CFAP206: variants seen among roughly 807,000 people sequenced by gnomAD.
The protein encoded by CFAP206 is cilia and flagella associated protein 206.
Under a neutral mutation model 65.4 loss-of-function variants are expected in CFAP206, and 53 were observed. The observed-to-expected ratio is 0.81, with a 90% CI of 0.65 to 1.02. The LOEUF (loss-of-function observed/expected upper bound fraction) is 1.02. Among genes scored for constraint, CFAP206 ranks in the 50% least tolerant of loss-of-function variants. The probability of loss-of-function intolerance (pLI) is 0.00; values close to 1 mark genes in which losing one functional copy is unlikely to be tolerated. For missense variants in CFAP206, 663 were observed against 753.2 expected, an observed-to-expected ratio of 0.88 and a Z score of 1.40; for synonymous variants, 250 against 254.4, an observed-to-expected ratio of 0.98 and a Z score of 0.17.
intron 8 of CFAP206, among the ~76,000 whole-genome samples, chr6:87,426,925 T>G (rs1422417145): frequency 6.6e-6 from 1 of 152,148 alleles, no homozygotes; most frequent in African/African-American, 2.4e-5. Flanking sequence ...GTACTGTGGT[T>G]GAAAATGTAT....
At chr6:87,439,104 TC>T in intron 11 of CFAP206, among the ~76,000 whole-genome samples, 1 of 152,258 alleles carries the variant, frequency 6.6e-6, no homozygotes, top group Non-Finnish European at 1.5e-5. Flanking sequence ...TTGCTAAGTT[TC>T]CCCAAAAAAT....
At chr6:87,419,436 C>G (rs574296444) in intron 7 of CFAP206, among the ~76,000 whole-genome samples, 1 of 152,250 alleles carries the variant, frequency 6.6e-6, no homozygotes, top group South Asian at 2.1e-4. Flanking sequence ...AAACAGATAT[C>G]TACATAAAGG....
intron 11 of CFAP206, among the ~76,000 whole-genome samples, chr6:87,448,644 TC>T (rs906797582): frequency 2.6e-5 from 4 of 152,122 alleles, no homozygotes; most frequent in African/African-American, 9.7e-5. Context: ...TTAGCTAACC[TC>T]TCCCCATCCA....
intron 10 of CFAP206, among the ~76,000 whole-genome samples, chr6:87,432,720 G>T (rs1768181264): frequency 1.3e-5 from 2 of 152,160 alleles, no homozygotes; most frequent in South Asian, 4.1e-4. Flanking sequence ...TCCCTTCCAG[G>T]GTCTCCCAAC....
chr6:87,429,513 G>T (rs1236557058), intron 9 of CFAP206, among the ~76,000 whole-genome samples: 11 of 152,066 alleles, frequency 7.2e-5, no homozygotes, highest in Admixed American at 7.2e-4. Flanking sequence ...TTCAAGTTGG[G>T]AATTTACAAA....
At chr6:87,434,774 A>G (rs1768224525) in intron 10 of CFAP206, 86 bp from the exon 11 acceptor site, 2 of 760,572 alleles carry the variant, frequency 2.6e-6, no homozygotes, top group Non-Finnish European at 2.0e-6. Context: ...CTGGAATTAC[A>G]GGCGTGAGCC....
intron 3 of CFAP206, among the ~76,000 whole-genome samples, chr6:87,412,778 A>G (rs917727559): frequency 3.9e-5 from 6 of 152,008 alleles, no homozygotes; most frequent in African/African-American, 1.5e-4. Flanking sequence ...CTCCTGTCTC[A>G]GCCTCCCGAG....
At chr6:87,408,474 C>CGCAT (rs771338931) in intron 1 of CFAP206, 1 of 129,074 alleles carries the variant, frequency 7.7e-6, no homozygotes, top group African/African-American at 3.0e-5. Flanking sequence ...AGATCCGGAG[C>CGCAT]GCGCACACAG....
chr6:87,423,255 T>A (rs1293609310), intron 7 of CFAP206, among the ~76,000 whole-genome samples: 1 of 141,922 alleles, frequency 7.0e-6, no homozygotes, highest in Non-Finnish European at 1.6e-5. Context: ...TTTATTTTTC[T>A]TTTTTTTTTT....
chr6:87,435,050 T>C lies in CFAP206; in HGVS notation c.1491T>C (p.Ser497=). 5.7e-6 allele frequency: 9 copies of C among 1,576,878 alleles called. No homozygotes were observed. Among genetic ancestry groups the C allele is most frequent in the Non-Finnish European group, 6.0e-6 (7 of 1,157,660 alleles). Residue 497 remains serine (S), a synonymous_variant, in exon 11 of 13, where the codon TCT becomes TCC. Transcript: ENST00000369562. ...AGTTTGAAACATTTATTCCATATTC[T>C]CAGGTAAGCAGGGTCAATATTTTAT... ...HQQFETFIPY[S]QMRDADKHYI...
In CFAP206 at chr6:87,409,895, A is replaced by G; in HGVS notation, c.56A>G (p.Gln19Arg). The change falls in exon 2 of 13, where the codon CAA (glutamine) becomes CGA (arginine). Residue 19 changes from glutamine (Q) to arginine (R), a missense_variant. Physicochemically the swap from Gln to Arg is conservative, Grantham distance 43. Coordinates refer to ENST00000369562, the MANE Select transcript of CFAP206 (RefSeq NM_001031743.3). ...VIRSIIREIG[Q>R]ECAAHGEIVS... Reference sequence around the variant, plus strand: ...AGGAGTATTATACGAGAAATAGGACAAGAATGTGCAGCCCATGGAGAGATT... The same window carrying G: ...AGGAGTATTATACGAGAAATAGGACGAGAATGTGCAGCCCATGGAGAGATT... 6.2e-7 allele frequency: 1 copy of G among 1,613,614 alleles called. No homozygotes were observed. The highest frequency in any genetic ancestry group is 8.5e-7 in the Non-Finnish European group (1 of 1,179,752).
At position 87,464,228 on chromosome 6, in the gene CFAP206, C is replaced by T; in HGVS notation, c.1847C>T (p.Thr616Ile). 6.2e-7 allele frequency: 1 copy of T among 1,613,718 alleles called. No individual in the cohort carries two copies. Among genetic ancestry groups the T allele is most frequent in the South Asian group, 1.1e-5 (1 of 91,010 alleles). Reference protein sequence around the residue: ...EITDEVKVNLTRDVDET With the variant: ...EITDEVKVNLIRDVDET ...ACCGATGAGGTCAAGGTGAACTTAA[C>T]TAGAGATGTGGATGAAACCTAATTA... is the stretch of plus-strand genomic sequence containing the variant. The change falls in exon 13 of 13, where the codon ACT becomes ATT. Residue 616 changes from threonine (T) to isoleucine (I), a missense_variant. By Grantham distance (89) the Thr-to-Ile change is moderately conservative (BLOSUM62 -1). Coordinates refer to ENST00000369562, the MANE Select transcript of CFAP206 (RefSeq NM_001031743.3).
chr6:87,443,482 GTTCC>G (rs1768388497), intron 11 of CFAP206, among the ~76,000 whole-genome samples: 1 of 151,562 alleles, frequency 6.6e-6, no homozygotes, highest in Non-Finnish European at 1.5e-5. Flanking sequence ...CCTTTATCTA[GTTCC>G]TTCATTTTAT....
At chr6:87,457,821 A>G (rs1437541099) in intron 11 of CFAP206, among the ~76,000 whole-genome samples, 2 of 152,210 alleles carry the variant, frequency 1.3e-5, no homozygotes, top group African/African-American at 4.8e-5. Flanking sequence ...AAATGGACAA[A>G]TGTGATCACA....
Position 87,461,099 on chromosome 6 carries a change from G to A in CFAP206, c.1572G>A (p.Leu524=). 5.0e-6 allele frequency: 8 copies of A among 1,592,520 alleles called. No individual in the cohort carries two copies. The highest frequency in any genetic ancestry group is 6.8e-6 in the Non-Finnish European group (8 of 1,172,636). ...GCACACAGACGAATACACACATACTGCCACCAACGATTGTGAGATCATATG... is the reference window on the plus strand; with the variant it reads ...GCACACAGACGAATACACACATACTACCACCAACGATTGTGAGATCATATG... ...ESSTQTNTHI[L]PPTIVRSYEW... Residue 524 remains leucine (L), a synonymous_variant, in exon 12 of 13, where the codon CTG becomes CTA. Transcript: ENST00000369562.
intron 1 of CFAP206, among the ~76,000 whole-genome samples, chr6:87,409,066 A>G (rs1184840573): frequency 1.3e-5 from 2 of 152,192 alleles, no homozygotes; most frequent in Non-Finnish European, 2.9e-5. Flanking sequence ...TGTGCGGAAA[A>G]GATCATTTTA....
Position 87,418,252 on chromosome 6 carries a change from A to AT in CFAP206, c.678dup (p.Asp227Ter). The AT allele has an allele frequency of 1.2e-6, 2 of 1,614,142 alleles. No homozygotes were observed. The highest frequency in any genetic ancestry group is 2.2e-5 in the South Asian group (2 of 91,074). On this transcript the variant is annotated frameshift_variant, in exon 7 of 13. Coordinates refer to ENST00000369562, the MANE Select transcript of CFAP206 (RefSeq NM_001031743.3). LOFTEE classifies it high-confidence loss of function. ...AGCAATCCCAGCCACCATGCAGCAT[A>AT]TTGATTACCAGCTTGAGACTGCCCG...
chr6:87,408,021 C>G lies in CFAP206; in HGVS notation c.-74C>G, dbSNP rs115922456. 1.1e-3 allele frequency: 1,074 copies of G among 985,632 alleles called. 5 individuals are homozygous for G. In the African/African-American group the frequency reaches 0.017, roughly 16 times the overall value. The allele number at this position is 985,632 out of a possible 1,614,324, so 61.1% of individuals were successfully genotyped here. On this transcript the variant is annotated 5_prime_UTR_variant, in exon 1 of 13. Transcript: ENST00000369562. The stretch of plus-strand genomic sequence containing the variant: ...GGTGGCTGCGAGCGCCCAACTGCTC[C>G]GACCGTCGCGGTGAGGGCCCCAGGA...
intron 8 of CFAP206, 89 bp downstream of exon 8, chr6:87,426,734 A>C (rs1724339643): frequency 1.0e-6 from 1 of 965,816 alleles, no homozygotes; most frequent in Non-Finnish European, 1.4e-6. Context: ...ATTATATTTA[A>C]TTTCTAAAAA....
Sources: gnomAD v4.1 joint callset for allele counts (sites outside exome capture counted in the v4.1 genomes callset) on GRCh38, gnomAD v4.1.1 for gene constraint, MANE v1.5 for transcripts, NCBI Gene and HGNC (gene_info 2026-07-23, HGNC 2026-07-21) for gene names.